ITPA: variants seen among roughly 807,000 people sequenced by gnomAD.
ITPA encodes inosine triphosphatase.
ITPA carries 29 observed loss-of-function variants against 29.6 expected under a neutral mutation model. The observed-to-expected ratio is 0.98, with a 90% CI of 0.73 to 1.34. ITPA has a LOEUF of 1.34. ITPA is among the 40% of genes most tolerant of loss of function. The probability of loss-of-function intolerance (pLI) is 0.00; values close to 1 mark genes in which losing one functional copy is unlikely to be tolerated. For missense variants in ITPA, 241 were observed against 251.5 expected, an observed-to-expected ratio of 0.96 and a Z score of 0.28; for synonymous variants, 103 against 99.3, an observed-to-expected ratio of 1.04 and a Z score of -0.22.
rs561064954 is a variant in ITPA, at chr20:3,209,735, G to C, written c.66+118G>C. 29 of 814,854 alleles carry C rather than the reference G, an allele frequency of 3.6e-5. No individual in the cohort carries two copies. In the African/African-American group the frequency reaches 4.1e-4, roughly 11 times the overall value. The allele number at this position is 814,854 out of a possible 1,614,324, so 50.5% of individuals were successfully genotyped here. A position where few individuals can be genotyped will look rare whatever the true frequency, so the allele number is the denominator to read the frequency against. On this transcript the variant is annotated intron_variant, in intron 1 of 7. Transcript: ENST00000380113. The surrounding 1 kb of genome is among the most constrained non-coding windows in gnomAD (Gnocchi z 4.6). ...ATGGAGAGAGAACAGAATTCAGCCC[G>C]GAAGAATGGGTCCTGACCCGGCTGT...
chr20:3,225,599 C>A (rs917617769), downstream of ITPA, among the ~76,000 whole-genome samples: 15 of 152,216 alleles, frequency 9.9e-5, no homozygotes, highest in African/African-American at 3.6e-4. Context: ...CACCTCGCCC[C>A]GTGCATCTCT....
chr20:3,223,457 G>T lies in ITPA; in HGVS notation c.580G>T (p.Ala194Ser). 6.2e-7 allele frequency: 1 copy of T among 1,611,934 alleles called. No homozygotes were observed. Among genetic ancestry groups the T allele is most frequent in the Non-Finnish European group, 8.5e-7 (1 of 1,179,062 alleles). ...ELQEYFGSLA[A>S] The stretch of plus-strand genomic sequence containing the variant: ...GCAGGAGTACTTTGGCAGTTTGGCA[G>T]CTTGACTTCTGCAGCTGGAGGAGGC... The change falls in exon 8 of 8, where the codon GCT becomes TCT. Residue 194 changes from alanine to serine, a missense_variant. Physicochemically the swap from Ala to Ser is moderately conservative, Grantham distance 99 (BLOSUM62 1). Coordinates refer to ENST00000380113, the MANE Select transcript of ITPA (RefSeq NM_033453.4).
At chr20:3,206,220 C>A (rs1046314079), upstream of ITPA, among the ~76,000 whole-genome samples, 1 of 150,680 alleles carries the variant, frequency 6.6e-6, no homozygotes, top group African/African-American at 2.4e-5. Context: ...GAAACCCTGT[C>A]TCTACTAAAA....
upstream of ITPA, among the ~76,000 whole-genome samples, chr20:3,205,049 A>G (rs982708187): frequency 5.3e-5 from 8 of 151,946 alleles, no homozygotes; most frequent in Non-Finnish European, 1.2e-4. Flanking sequence ...TGGGGGTTTC[A>G]CCGTGTTGGC....
In ITPA at chr20:3,223,589, A is replaced by C; in HGVS notation, c.*127A>C. The stretch of plus-strand genomic sequence containing the variant: ...TTTCCCCTTTGTGAGGGTGTCGAGT[A>C]GCCTCACCGGCCTGTCTGGAGGAGC... On this transcript the variant is annotated 3_prime_UTR_variant, in exon 8 of 8. Coordinates refer to ENST00000380113, the MANE Select transcript of ITPA (RefSeq NM_033453.4). 1 of 732,718 alleles carries C rather than the reference A, an allele frequency of 1.4e-6. No homozygotes were observed. Among genetic ancestry groups the C allele is most frequent in the Non-Finnish European group, 2.4e-6 (1 of 418,940 alleles). The allele number at this position is 732,718 out of a possible 1,614,324, so 45.4% of individuals were successfully genotyped here.
chr20:3,226,352 A>G (rs1001979018), downstream of ITPA, among the ~76,000 whole-genome samples: 2 of 152,198 alleles, frequency 1.3e-5, no homozygotes, highest in Non-Finnish European at 2.9e-5. This position sits in a 1 kb window ranked among gnomAD's most constrained non-coding sequence, Gnocchi z 4.4. Context: ...GTGCACAGTG[A>G]GAGCGGAGGA....
At chr20:3,207,062 T>A (rs2122258362), upstream of ITPA, among the ~76,000 whole-genome samples, 1 of 152,152 alleles carries the variant, frequency 6.6e-6, no homozygotes, top group Non-Finnish European at 1.5e-5. Context: ...ATCTATGGAC[T>A]TGTAATTATA....
At chr20:3,226,376 T>C (rs1047420405), downstream of ITPA, among the ~76,000 whole-genome samples, 3 of 152,150 alleles carry the variant, frequency 2.0e-5, no homozygotes, top group Admixed American at 1.3e-4. The surrounding 1 kb of genome is among the most constrained non-coding windows in gnomAD (Gnocchi z 4.4). Context: ...CGTTTTGAGT[T>C]GGTTTCTCCA....
chr20:3,204,292 C>T (rs889816100), upstream of ITPA, among the ~76,000 whole-genome samples: 1 of 152,126 alleles, frequency 6.6e-6, no homozygotes, highest in Non-Finnish European at 1.5e-5. Flanking sequence ...ATGGAGTTCC[C>T]GGGGGTGAAG....
chr20:3,220,835 C>T (rs1481638366), intron 6 of ITPA, among the ~76,000 whole-genome samples: 1 of 152,074 alleles, frequency 6.6e-6, no homozygotes, highest in African/African-American at 2.4e-5. Flanking sequence ...AGATTACAGG[C>T]GTGAGCTACC....
chr20:3,222,960 C>G (rs185265616), intron 7 of ITPA, among the ~76,000 whole-genome samples: 1 of 152,206 alleles, frequency 6.6e-6, no homozygotes, highest in Non-Finnish European at 1.5e-5. Context: ...GCATGGAGGT[C>G]GGGCCCCTGG....
upstream of ITPA, among the ~76,000 whole-genome samples, chr20:3,206,135 T>A (rs1211581223): frequency 2.0e-5 from 3 of 150,892 alleles, no homozygotes; most frequent in South Asian, 4.2e-4. Flanking sequence ...ACACCTGTAA[T>A]CCCAGCACTT....
intron 6 of ITPA, 111 bp downstream of exon 6, chr20:3,218,743 A>C: frequency 2.6e-6 from 2 of 768,848 alleles, no homozygotes; most frequent in Non-Finnish European, 4.5e-6. Context: ...CCTTGGGGCC[A>C]GAGATATCTG....
At chr20:3,223,094 C>T (rs777538342) in intron 7 of ITPA, among the ~76,000 whole-genome samples, 1 of 152,232 alleles carries the variant, frequency 6.6e-6, no homozygotes. Context: ...CTCATCCCCC[C>T]CTGTCCCCAG....
intron 6 of ITPA, among the ~76,000 whole-genome samples, chr20:3,221,253 G>A (rs1320217175): frequency 6.9e-6 from 1 of 144,470 alleles, no homozygotes; most frequent in Non-Finnish European, 1.5e-5. Context: ...GACATTTCAT[G>A]TCACTGGATT....
At chr20:3,219,747 A>AG (rs1338195138) in intron 6 of ITPA, among the ~76,000 whole-genome samples, 1 of 44,192 alleles carries the variant, frequency 2.3e-5, no homozygotes, top group East Asian at 1.3e-3. Flanking sequence ...CTCCGTCTCC[A>AG]AAAAAAAAAA....
Position 3,218,776 on chromosome 20 carries a change from G to A in ITPA, c.411+144G>A, listed in dbSNP as rs1012932304. On this transcript the variant is annotated intron_variant, in intron 6 of 7. Transcript: ENST00000380113. Reference sequence around the variant, plus strand: ...CTGTGCCTTGCTGAGAGGCTCCCCTGCGCAGCATAGGTAGAAGTGCTGTGG... The same window carrying A: ...CTGTGCCTTGCTGAGAGGCTCCCCTACGCAGCATAGGTAGAAGTGCTGTGG... The A allele has an allele frequency of 5.1e-5, 36 of 702,182 alleles. No individual in the cohort carries two copies. In the African/African-American group the frequency reaches 6.1e-4, roughly 12 times the overall value. The allele number at this position is 702,182 out of a possible 1,614,324, so 43.5% of individuals were successfully genotyped here.
At chr20:3,222,546 A>T (rs912249183) in intron 7 of ITPA, among the ~76,000 whole-genome samples, 5 of 152,120 alleles carry the variant, frequency 3.3e-5, no homozygotes, top group Admixed American at 2.6e-4. Flanking sequence ...TCTGACCCCC[A>T]TCTAGGTTGG....
chr20:3,221,943 G>A (rs371907913), intron 7 of ITPA, 26 bp downstream of exon 7: 74 of 1,606,658 alleles, frequency 4.6e-5, no homozygotes, highest in African/African-American at 1.3e-4. Context: ...TTTCTTCCCT[G>A]GGGTGTGGGG....
Sources: gnomAD v4.1 joint callset for allele counts (sites outside exome capture counted in the v4.1 genomes callset) on GRCh38, gnomAD v4.1.1 for gene constraint, Gnocchi (gnomAD v3.1) non-coding constraint, MANE v1.5 for transcripts, NCBI Gene and HGNC (gene_info 2026-07-23, HGNC 2026-07-21) for gene names.